The following TENM1 variants were observed in gnomAD, a reference collection of about 807,000 sequenced individuals.
TENM1 encodes the protein teneurin-1.
In TENM1, 35 loss-of-function variants were observed where a neutral mutation model predicts 174.8. The observed-to-expected ratio is 0.20, with a 90% CI of 0.15 to 0.27. The LOEUF is 0.27. Among genes scored for constraint, TENM1 ranks in the 10% least tolerant of loss-of-function variants. The pLI is 1.00. For missense variants in TENM1, 1,633 were observed against 2,130.1 expected (o/e 0.77, Z 4.59); for synonymous variants, 781 against 798.7 (o/e 0.98, Z 0.37).
At chrX:125,174,299 G>C in the TENM1 span, among the ~76,000 whole-genome samples, 1 of 111,681 alleles carries the variant, frequency 9.0e-6, no homozygotes, top group South Asian at 3.7e-4. Flanking sequence ...AAAGGTAGAT[G>C]AAATCCCCAA....
chrX:125,113,567 A>G, the TENM1 span, among the ~76,000 whole-genome samples: 15 of 111,609 alleles, frequency 1.3e-4, no homozygotes, highest in Non-Finnish European at 2.4e-4. Flanking sequence ...GGATGGAGAA[A>G]TAATTACCAA....
intron 3 of TENM1, among the ~76,000 whole-genome samples, chrX:124,849,819 T>C (rs774343902): frequency 1.4e-3 from 162 of 112,368 alleles, no homozygotes; most frequent in African/African-American, 4.9e-3. Context: ...ATATTCTGTC[T>C]GATGTCATAC....
chrX:124,420,791 A>G, exon 25 of TENM1: 1 of 1,207,760 alleles, frequency 8.3e-7, no homozygotes, highest in Non-Finnish European at 1.1e-6. Flanking sequence ...AGGGGCTTTC[A>G]TCTTTGCATC....
intron 22 of TENM1, among the ~76,000 whole-genome samples, chrX:124,465,970 A>C (rs2061236662): frequency 8.9e-6 from 1 of 112,189 alleles, no homozygotes; most frequent in Admixed American, 9.6e-5. Flanking sequence ...CTAACAAGAT[A>C]TACCAGGCGC....
intron 1 of TENM1, among the ~76,000 whole-genome samples, chrX:124,901,145 A>G (rs992194156): frequency 6.3e-5 from 7 of 111,116 alleles, no homozygotes; most frequent in African/African-American, 1.6e-4. Flanking sequence ...TAGACACATA[A>G]GAGTTGAACA....
At chrX:124,635,145 G>C (rs779657559) in intron 11 of TENM1, among the ~76,000 whole-genome samples, 12 of 111,604 alleles carry the variant, frequency 1.1e-4, no homozygotes, top group Non-Finnish European at 2.3e-4. Context: ...ACAGTATTAA[G>C]AATCATAGAT....
chrX:124,704,201 T>C (rs16999388), intron 5 of TENM1, among the ~76,000 whole-genome samples: 5,687 of 112,105 alleles, frequency 0.051, 246 homozygotes, highest in African/African-American at 0.14. Context: ...AAATAATTTA[T>C]TAGGGATATA....
intron 3 of TENM1, among the ~76,000 whole-genome samples, chrX:124,847,608 G>C (rs1000930657): frequency 9.0e-6 from 1 of 111,677 alleles, no homozygotes; most frequent in Non-Finnish European, 1.9e-5. Flanking sequence ...CTATCTTCTT[G>C]TTGTCTTCCT....
chrX:124,900,522 C>T (rs2057642438), intron 1 of TENM1, among the ~76,000 whole-genome samples: 1 of 111,261 alleles, frequency 9.0e-6, no homozygotes, highest in Non-Finnish European at 1.9e-5. Flanking sequence ...CTTAAGTATA[C>T]GTAGTAAGTG....
intron 27 of TENM1, among the ~76,000 whole-genome samples, chrX:124,397,386 C>T (rs753067604): frequency 8.9e-6 from 1 of 111,826 alleles, no homozygotes; most frequent in East Asian, 2.8e-4. Flanking sequence ...CACTTGCACA[C>T]CCACGCCTGT....
intron 16 of TENM1, among the ~76,000 whole-genome samples, chrX:124,527,625 G>C (rs952447061): frequency 4.7e-5 from 5 of 107,340 alleles, no homozygotes; most frequent in African/African-American, 1.7e-4. Flanking sequence ...ATACTCTTTT[G>C]ACCTCAGGTA....
At chrX:124,914,045 A>T (rs2057881372) in intron 1 of TENM1, among the ~76,000 whole-genome samples, 1 of 111,893 alleles carries the variant, frequency 8.9e-6, no homozygotes, top group African/African-American at 3.2e-5. Flanking sequence ...GACCATGGTC[A>T]CCATTCCTAG....
At chrX:124,404,853 C>T (rs2060443838) in intron 27 of TENM1, among the ~76,000 whole-genome samples, 178 bp downstream of exon 30, 1 of 111,477 alleles carries the variant, frequency 9.0e-6, no homozygotes, top group Non-Finnish European at 1.9e-5. Context: ...CATTATCGGC[C>T]ATTAGCATCC....
At chrX:125,100,600 A>G in the TENM1 span, among the ~76,000 whole-genome samples, 2 of 112,040 alleles carry the variant, frequency 1.8e-5, no homozygotes, top group South Asian at 7.3e-4. Context: ...AAAAATATAT[A>G]ATACTTATAA....
chrX:124,737,505 TCAA>T (rs773056147), intron 3 of TENM1, among the ~76,000 whole-genome samples: 1 of 112,127 alleles, frequency 8.9e-6, no homozygotes, highest in Non-Finnish European at 1.9e-5. Flanking sequence ...AAATAAATCA[TCAA>T]CAAGACACCA....
At chrX:125,163,284 T>C in the TENM1 span, among the ~76,000 whole-genome samples, 2 of 110,641 alleles carry the variant, frequency 1.8e-5, no homozygotes, top group Non-Finnish European at 3.8e-5. Context: ...TCAGTGTGAT[T>C]AGCTGGTGAG....
At chrX:125,122,796 T>C in the TENM1 span, among the ~76,000 whole-genome samples, 132 of 109,782 alleles carry the variant, frequency 1.2e-3, 2 homozygotes, top group East Asian at 0.035. Flanking sequence ...GGTGAATAAG[T>C]AGAAACTTAT....
intron 3 of TENM1, among the ~76,000 whole-genome samples, chrX:124,776,542 C>G (rs932877495): frequency 8.9e-6 from 1 of 111,745 alleles, no homozygotes; most frequent in African/African-American, 3.2e-5. Context: ...AAGGTATCTA[C>G]AAAAGTAATA....
the TENM1 span, among the ~76,000 whole-genome samples, chrX:124,969,084 T>C: frequency 1.8e-5 from 2 of 111,844 alleles, no homozygotes; most frequent in East Asian, 5.6e-4. Flanking sequence ...TTAGACATGA[T>C]GATGAAACTG....
Sources: allele counts gnomAD v4.1 joint callset (sites outside exome capture counted in the v4.1 genomes callset), GRCh38; gene constraint gnomAD v4.1.1; transcripts MANE v1.5; gene names NCBI Gene and HGNC (gene_info 2026-07-23, HGNC 2026-07-21).